Variants in C12orf56 observed in about 807,000 individuals in gnomAD.
The protein encoded by C12orf56 is chromosome 12 open reading frame 56.
Under a neutral mutation model 69.9 loss-of-function variants are expected in C12orf56, and 71 were observed. That is an observed-to-expected ratio of 1.02 (90% CI 0.84 to 1.24). The LOEUF (loss-of-function observed/expected upper bound fraction) is 1.24, where lower values mean the gene tolerates loss of function less well. Among genes scored for constraint, C12orf56 ranks in the 50% most tolerant of loss-of-function variants. The pLI, the probability that C12orf56 is intolerant of heterozygous loss-of-function variation, is 0.00. For missense variants in C12orf56, 732 were observed against 738.5 expected (o/e 0.99, Z 0.10); for synonymous variants, 276 against 274.1 (o/e 1.01, Z -0.07).
At chr12:64,381,854 A>G (rs537218833) in intron 1 of C12orf56, among the ~76,000 whole-genome samples, 175 of 152,348 alleles carry the variant, frequency 1.1e-3, no homozygotes, top group Non-Finnish European at 2.3e-3. Flanking sequence ...ATGGAAGATG[A>G]CGTCATTTGG....
chr12:64,302,427 C>A (rs2038458346), intron 6 of C12orf56, among the ~76,000 whole-genome samples: 1 of 152,172 alleles, frequency 6.6e-6, no homozygotes, highest in Non-Finnish European at 1.5e-5. Context: ...CTAATCTGGG[C>A]AAACCAAAAT....
chr12:64,286,749 G>A (rs943221659), intron 6 of C12orf56, among the ~76,000 whole-genome samples: 7 of 152,014 alleles, frequency 4.6e-5, no homozygotes, highest in East Asian at 3.8e-4. Context: ...TCTATTGTTC[G>A]TTTTTTCCCC....
chr12:64,321,906 C>A (rs1327036493), intron 3 of C12orf56, among the ~76,000 whole-genome samples: 1 of 151,920 alleles, frequency 6.6e-6, no homozygotes, highest in Non-Finnish European at 1.5e-5. Flanking sequence ...GATTCTTGAA[C>A]CTGTAAGTGT....
At position 64,318,788 on chromosome 12, in the gene C12orf56, G is replaced by T; in HGVS notation, c.681C>A (p.Pro227=). Residue 227 remains proline (P), a synonymous_variant, in exon 4 of 13, where the codon CCC becomes CCA. Coordinates refer to ENST00000543942, the MANE Select transcript of C12orf56 (RefSeq NM_001170633.2). ...EPSCTTNTKE[P]QGLPDHNSIS... is the part of the protein sequence containing the mutation. ...TGGAGTTGTGATCTGGAAGTCCCTGGGGTTCTTTTGTGTTTGTTGTGCAAG... is the reference window on the plus strand; with the variant it reads ...TGGAGTTGTGATCTGGAAGTCCCTGTGGTTCTTTTGTGTTTGTTGTGCAAG... 1 of 1,537,090 alleles carries T rather than the reference G, an allele frequency of 6.5e-7. No homozygotes were observed. The highest frequency in any genetic ancestry group is 8.7e-7 in the Non-Finnish European group (1 of 1,146,890).
chr12:64,383,502 G>A (rs150308101), intron 1 of C12orf56, among the ~76,000 whole-genome samples: 14 of 151,916 alleles, frequency 9.2e-5, no homozygotes, highest in South Asian at 4.2e-4. Context: ...TCAGCCCTCC[G>A]AGTAGCTGGG....
intron 9 of C12orf56, among the ~76,000 whole-genome samples, chr12:64,275,773 T>A (rs966253243): frequency 6.6e-6 from 1 of 152,120 alleles, no homozygotes; most frequent in Admixed American, 6.6e-5. Context: ...CAGGTAATTT[T>A]TGATTTTTTA....
At chr12:64,299,138 A>G (rs892669357) in intron 6 of C12orf56, among the ~76,000 whole-genome samples, 1 of 151,972 alleles carries the variant, frequency 6.6e-6, no homozygotes, top group Non-Finnish European at 1.5e-5. Context: ...TTATTCTCTT[A>G]GTAGCAATTG....
At chr12:64,337,854 C>CAAAAAAAA (rs748434656) in intron 2 of C12orf56, among the ~76,000 whole-genome samples, 2 of 90,732 alleles carry the variant, frequency 2.2e-5, no homozygotes, top group Non-Finnish European at 4.5e-5. Flanking sequence ...AAAATTCTGT[C>CAAAAAAAA]AAAAAAAAAA....
intron 12 of C12orf56, among the ~76,000 whole-genome samples, chr12:64,268,783 G>C (rs1162977): frequency 0.7 from 106,895 of 151,926 alleles, 38,784 homozygotes; most frequent in Non-Finnish European, 0.8. Context: ...TTGTTTGGAC[G>C]AGCTCAGAGC....
At chr12:64,332,700 A>G (rs540562328) in intron 2 of C12orf56, among the ~76,000 whole-genome samples, 1 of 152,310 alleles carries the variant, frequency 6.6e-6, no homozygotes, top group East Asian at 1.9e-4. Flanking sequence ...TGATGGGTCT[A>G]GAGGTGGACT....
At chr12:64,335,603 A>G (rs987774716) in intron 2 of C12orf56, among the ~76,000 whole-genome samples, 1 of 152,166 alleles carries the variant, frequency 6.6e-6, no homozygotes, top group Non-Finnish European at 1.5e-5. Context: ...AGGCTGAGGC[A>G]GGAGGATTGC....
intron 2 of C12orf56, among the ~76,000 whole-genome samples, chr12:64,345,806 A>G (rs377764186): frequency 6.6e-6 from 1 of 152,220 alleles, no homozygotes; most frequent in Non-Finnish European, 1.5e-5. Context: ...GGTTGTCTAC[A>G]TAATACTTCA....
intron 1 of C12orf56, among the ~76,000 whole-genome samples, chr12:64,380,833 G>C (rs375597962): frequency 1.4e-3 from 214 of 152,320 alleles, no homozygotes; most frequent in African/African-American, 4.8e-3. Flanking sequence ...AGAGACAGCA[G>C]GGTTAAATCA....
chr12:64,385,330 TCTAA>T (rs1267188070), intron 1 of C12orf56, among the ~76,000 whole-genome samples: 2 of 152,170 alleles, frequency 1.3e-5, no homozygotes, highest in East Asian at 3.9e-4. Context: ...TAGACTCTGG[TCTAA>T]CTGTCTAAAT....
chr12:64,338,175 G>A (rs897910581), intron 2 of C12orf56: 3 of 577,922 alleles, frequency 5.2e-6, no homozygotes, highest in Non-Finnish European at 1.0e-5. Context: ...CGAAGGCTTA[G>A]TCCAAAAACT....
At chr12:64,286,714 T>C (rs919241456) in intron 6 of C12orf56, among the ~76,000 whole-genome samples, 11 of 152,192 alleles carry the variant, frequency 7.2e-5, no homozygotes, top group African/African-American at 2.4e-4. Context: ...AGAAATGTAA[T>C]GTAATTGCTT....
chr12:64,278,393 A>G (rs569865045), intron 8 of C12orf56, among the ~76,000 whole-genome samples: 2 of 152,194 alleles, frequency 1.3e-5, no homozygotes, highest in African/African-American at 4.8e-5. Context: ...ACTGGACTCA[A>G]GTGATCCCCT....
In C12orf56 at chr12:64,308,947, G is replaced by GAAAAA. The variant is rs1360964376; in HGVS notation, c.968+3731_968+3732insTTTTT. ...AAGAAAGAAAGAAAGAAAGAAGAAAGAAAGAAAGAAAGAAAGAAAGAAAGA... is the reference window on the plus strand; with the variant it reads ...AAGAAAGAAAGAAAGAAAGAAGAAAGAAAAAAAAGAAAGAAAGAAAGAAAGAAAGA... On this transcript the variant is annotated intron_variant, in intron 5 of 12. Transcript: ENST00000543942. Among the ~76,000 whole-genome samples the GAAAAA allele has an allele frequency of 2.8e-3, 191 of 67,744 alleles. 7 individuals carry two copies. The highest frequency in any genetic ancestry group is 0.011 in the African/African-American group (186 of 17,662). The allele number at this position is 67,744 out of a possible 152,430, so 44.4% of individuals were successfully genotyped here.
At chr12:64,341,866 C>T (rs2039079316) in intron 2 of C12orf56, among the ~76,000 whole-genome samples, 1 of 152,122 alleles carries the variant, frequency 6.6e-6, no homozygotes, top group Non-Finnish European at 1.5e-5. Context: ...TAGTCATAGC[C>T]AGATCAGCTT....
Sources: gnomAD v4.1 joint callset for allele counts (sites outside exome capture counted in the v4.1 genomes callset) on GRCh38, gnomAD v4.1.1 for gene constraint, MANE v1.5 for transcripts, NCBI Gene and HGNC (gene_info 2026-07-23, HGNC 2026-07-21) for gene names.